Variants in PRKG1 observed in about 807,000 individuals in gnomAD.
The protein encoded by PRKG1 is cGMP-dependent protein kinase 1.
A neutral mutation model predicts 88.1 loss-of-function variants in PRKG1; 35 were observed. The ratio of observed to expected loss-of-function variants is 0.40; its 90% CI spans 0.30 to 0.53. The LOEUF is 0.53. PRKG1 is among the 20% of genes least tolerant of loss of function. The pLI is 0.59. For synonymous variants in PRKG1, 303 were observed against 292.5 expected, an observed-to-expected ratio of 1.04 and a Z score of -0.37; for missense variants, 540 against 839.8, an observed-to-expected ratio of 0.64 and a Z score of 4.41.
intron 3 of PRKG1, among the ~76,000 whole-genome samples, chr10:51,791,745 A>G (rs146566643): frequency 8.7e-4 from 132 of 152,182 alleles, no homozygotes; most frequent in Non-Finnish European, 1.4e-3. Context: ...TTAGAGGGGG[A>G]AAAATTCTAG....
chr10:51,834,236 TATG>T (rs1365152897), intron 4 of PRKG1, among the ~76,000 whole-genome samples: 2 of 152,176 alleles, frequency 1.3e-5, no homozygotes, highest in African/African-American at 4.8e-5. Flanking sequence ...TTATCATCTT[TATG>T]ATACCTCCTG....
At chr10:51,800,348 C>T (rs915710194) in intron 3 of PRKG1, among the ~76,000 whole-genome samples, 6 of 151,962 alleles carry the variant, frequency 3.9e-5, no homozygotes, top group Admixed American at 3.9e-4. Flanking sequence ...CTAATAAACC[C>T]GCATGAGTTG....
chr10:51,950,357 C>G (rs1843153291), intron 5 of PRKG1, among the ~76,000 whole-genome samples: 1 of 152,230 alleles, frequency 6.6e-6, no homozygotes, highest in African/African-American at 2.4e-5. Flanking sequence ...CAAGTACATA[C>G]TGAATAAAAC....
chr10:51,129,223 C>T (rs940169883), intron 1 of PRKG1, among the ~76,000 whole-genome samples: 1 of 152,104 alleles, frequency 6.6e-6, no homozygotes, highest in African/African-American at 2.4e-5. Context: ...TGCCTATAAG[C>T]TTAGCACTTT....
intron 1 of PRKG1, among the ~76,000 whole-genome samples, chr10:51,010,076 C>G (rs559198789): frequency 5.3e-5 from 8 of 152,310 alleles, no homozygotes; most frequent in African/African-American, 1.9e-4. Flanking sequence ...GAGAGGGTGG[C>G]TCCACTGGGA....
chr10:51,639,969 T>C (rs1381412093), intron 3 of PRKG1, among the ~76,000 whole-genome samples: 1 of 152,224 alleles, frequency 6.6e-6, no homozygotes, highest in East Asian at 1.9e-4. Context: ...AGCCTTAGTC[T>C]CTGGATCTAC....
At chr10:52,246,286 A>T (rs899194645) in intron 9 of PRKG1, among the ~76,000 whole-genome samples, 1 of 152,206 alleles carries the variant, frequency 6.6e-6, no homozygotes, top group African/African-American at 2.4e-5. Flanking sequence ...AGAAATGGAA[A>T]TATAATAACT....
At chr10:51,104,821 C>T (rs1844789601) in intron 1 of PRKG1, among the ~76,000 whole-genome samples, 3 of 151,946 alleles carry the variant, frequency 2.0e-5, no homozygotes, top group Non-Finnish European at 4.4e-5. Flanking sequence ...CCTCCACCTC[C>T]AGGGTTCAAG....
intron 3 of PRKG1, chr10:51,696,018 C>T (rs981646441): frequency 2.6e-5 from 4 of 152,090 alleles, no homozygotes; most frequent in African/African-American, 9.7e-5. Context: ...AAAATAAAGT[C>T]GTAGTAGCAC....
intron 2 of PRKG1, among the ~76,000 whole-genome samples, chr10:51,344,836 A>G (rs1261059136): frequency 6.6e-6 from 1 of 152,190 alleles, no homozygotes; most frequent in African/African-American, 2.4e-5. Flanking sequence ...AGTCAAGGTA[A>G]TTGCTTGCTC....
At chr10:51,436,719 T>C (rs1406458169) in intron 2 of PRKG1, among the ~76,000 whole-genome samples, 1 of 152,052 alleles carries the variant, frequency 6.6e-6, no homozygotes, top group East Asian at 1.9e-4. Context: ...TTTGGCTTGC[T>C]GGAATCTCAA....
chr10:51,365,931 G>A (rs1466695841), intron 2 of PRKG1, among the ~76,000 whole-genome samples: 1 of 149,326 alleles, frequency 6.7e-6, no homozygotes, highest in Non-Finnish European at 1.5e-5. Context: ...AAAAATTGCT[G>A]TGTAAAAGAG....
chr10:51,509,341 G>A (rs1841323986), intron 3 of PRKG1, among the ~76,000 whole-genome samples: 1 of 152,136 alleles, frequency 6.6e-6, no homozygotes, highest in African/African-American at 2.4e-5. Flanking sequence ...TTACATGGGG[G>A]AATCATCATG....
At chr10:51,187,559 T>C (rs1837524728) in intron 2 of PRKG1, among the ~76,000 whole-genome samples, 1 of 152,008 alleles carries the variant, frequency 6.6e-6, no homozygotes, top group South Asian at 2.1e-4. Flanking sequence ...TTCTGAGTGT[T>C]TGGCTGTTAA....
intron 7 of PRKG1, among the ~76,000 whole-genome samples, chr10:52,069,770 C>T (rs1846449960): frequency 6.6e-6 from 1 of 151,740 alleles, no homozygotes; most frequent in South Asian, 2.1e-4. Flanking sequence ...ATAAATATGT[C>T]TATAATTTAT....
chr10:51,766,796 G>T (rs1838174693), intron 3 of PRKG1, among the ~76,000 whole-genome samples: 1 of 152,132 alleles, frequency 6.6e-6, no homozygotes. Flanking sequence ...TAAAACTGGG[G>T]TGGGGTGCGG....
At chr10:51,033,024 T>C (rs989644334) in intron 1 of PRKG1, among the ~76,000 whole-genome samples, 28 of 152,164 alleles carry the variant, frequency 1.8e-4, no homozygotes, top group Non-Finnish European at 3.4e-4. Context: ...CTTCCCTAAC[T>C]ACTCTGCTTT....
intron 2 of PRKG1, among the ~76,000 whole-genome samples, chr10:51,399,762 G>A (rs1421965339): frequency 6.6e-6 from 1 of 152,054 alleles, no homozygotes; most frequent in Non-Finnish European, 1.5e-5. Flanking sequence ...TTTTTTTGAT[G>A]ATGGTTAAAG....
intron 3 of PRKG1, among the ~76,000 whole-genome samples, chr10:51,475,248 C>G (rs900864519): frequency 1.3e-5 from 2 of 151,976 alleles, no homozygotes; most frequent in African/African-American, 4.8e-5. Context: ...AAGGGAACTT[C>G]AAATGTTTAC....
Sources: gnomAD v4.1 joint callset for allele counts (sites outside exome capture counted in the v4.1 genomes callset) on GRCh38, gnomAD v4.1.1 for gene constraint, MANE v1.5 for transcripts, NCBI Gene and HGNC (gene_info 2026-07-23, HGNC 2026-07-21) for gene names.